ADAMTSL4: variants seen among roughly 807,000 people sequenced by gnomAD.
ADAMTSL4 encodes ADAMTS-like protein 4.
In ADAMTSL4, 97 loss-of-function variants were observed where a neutral mutation model predicts 122.8. That is an observed-to-expected ratio of 0.79 (90% CI 0.67 to 0.93). The LOEUF (loss-of-function observed/expected upper bound fraction) is 0.93. Ranked by LOEUF, ADAMTSL4 falls within the 40% of genes least tolerant of loss-of-function variation. The probability of loss-of-function intolerance (pLI) is 0.00; values close to 1 mark genes in which losing one functional copy is unlikely to be tolerated. For missense variants in ADAMTSL4, 1,408 were observed against 1,453.5 expected, an observed-to-expected ratio of 0.97 and a Z score of 0.51; for synonymous variants, 592 against 568.0, an observed-to-expected ratio of 1.04 and a Z score of -0.60.
chr1:150,552,570 G>T lies in ADAMTSL4; in HGVS notation c.48G>T (p.Leu16=). ...GRPWLYLLLL[L]SLPQLCLDQE... ...CCTGGCTGTATCTGCTGCTGCTTCT[G>T]TCCCTCCCTCAGCTCTGCTTGGATC... is the stretch of plus-strand genomic sequence containing the variant. The change falls in exon 4 of 19, where the codon CTG becomes CTT. Residue 16 remains leucine (L), a synonymous_variant. Coordinates refer to ENST00000271643, the MANE Select transcript of ADAMTSL4 (RefSeq NM_019032.6). The surrounding 1 kb of genome is among the most constrained non-coding windows in gnomAD (Gnocchi z 4.0). The T allele has an allele frequency of 1.9e-6, 3 of 1,613,958 alleles. No homozygotes were observed. Among genetic ancestry groups the T allele is most frequent in the Non-Finnish European group, 2.5e-6 (3 of 1,179,976 alleles).
In ADAMTSL4 at chr1:150,554,291, G is replaced by C; in HGVS notation, c.1132-74G>C. 6.6e-7 allele frequency: 1 copy of C among 1,513,676 alleles called. No individual in the cohort carries two copies. The highest frequency in any genetic ancestry group is 9.2e-7 in the Non-Finnish European group (1 of 1,092,418). The allele number at this position is 1,513,676 out of a possible 1,614,324, so 93.8% of individuals were successfully genotyped here. A position where few individuals can be genotyped will look rare whatever the true frequency, so the allele number is the denominator to read the frequency against. ...TTCCGCTGACCTGAGCCTCCCACCT[G>C]CTCCCCAGGTTCAGCCCTGCCCCTA... On this transcript the variant is annotated intron_variant, in intron 6 of 18. Transcript: ENST00000271643. The surrounding 1 kb of genome is among the most constrained non-coding windows in gnomAD (Gnocchi z 4.0).
In ADAMTSL4 at chr1:150,559,914, C is replaced by T; in HGVS notation, c.3088+9C>T. 2 of 1,613,734 alleles carry T rather than the reference C, an allele frequency of 1.2e-6. No homozygotes were observed. Among genetic ancestry groups the T allele is most frequent in the Non-Finnish European group, 1.7e-6 (2 of 1,179,994 alleles). The stretch of plus-strand genomic sequence containing the variant: ...CTGCAGCCAGCGCCCTGGTAAAGAG[C>T]CCCCTCTCCCCAATCCCCAATACAG... On this transcript the variant is annotated intron_variant, in intron 18 of 18. Transcript: ENST00000271643. The surrounding 1 kb of genome is among the most constrained non-coding windows in gnomAD (Gnocchi z 4.1).
Position 150,555,548 on chromosome 1 carries a change from G to T in ADAMTSL4, c.1354G>T (p.Val452Leu). Residue 452 changes from valine (V) to leucine (L), a missense_variant, in exon 8 of 19, where the codon GTG becomes TTG. By Grantham distance (32) the Val-to-Leu change is conservative. Coordinates refer to ENST00000271643, the MANE Select transcript of ADAMTSL4 (RefSeq NM_019032.6). Reference protein sequence around the residue: ...LCQPGAPDICVAGRCLSPGCD... With the variant: ...LCQPGAPDICLAGRCLSPGCD... The stretch of plus-strand genomic sequence containing the variant: ...TCAGCCTGGAGCCCCTGACATCTGT[G>T]TGGCTGGACGCTGTCTGGTGAGGGA... 6.2e-7 allele frequency: 1 copy of T among 1,614,156 alleles called. No homozygotes were observed. The highest frequency in any genetic ancestry group is 8.5e-7 in the Non-Finnish European group (1 of 1,180,036).
chr1:150,551,191 G>GA (rs1671371739), intron 2 of ADAMTSL4: 1 of 356,930 alleles, frequency 2.8e-6, no homozygotes, highest in African/African-American at 2.1e-5. Flanking sequence ...GCTGGGGCAT[G>GA]AGGCAGCCCC....
intron 13 of ADAMTSL4, 147 bp downstream of exon 13, chr1:150,557,770 C>G (rs890775526): frequency 9.8e-6 from 13 of 1,325,892 alleles, no homozygotes; most frequent in Non-Finnish European, 1.3e-5. Context: ...ATTCGGTAGG[C>G]AGCAAGAAAG....
Position 150,552,178 on chromosome 1 carries a change from G to A in ADAMTSL4, c.-84-27G>A. On this transcript the variant is annotated intron_variant, in intron 2 of 18. Coordinates refer to ENST00000271643, the MANE Select transcript of ADAMTSL4 (RefSeq NM_019032.6). This position sits in a 1 kb window ranked among gnomAD's most constrained non-coding sequence, Gnocchi z 4.0. ...CCCAAGCTCTCTGGACACTGGAGAG[G>A]TAACCACCAGGCTTCTGTCCCTGCA... 2 of 1,187,794 alleles carry A rather than the reference G, an allele frequency of 1.7e-6. No homozygotes were observed. Among genetic ancestry groups the A allele is most frequent in the Non-Finnish European group, 1.2e-6 (1 of 835,462 alleles). 73.6% of individuals were successfully genotyped at this position (1,187,794 alleles called of 1,614,324 possible). A position where few individuals can be genotyped will look rare whatever the true frequency, so the allele number is the denominator to read the frequency against.
At position 150,553,991 on chromosome 1, in the gene ADAMTSL4, C is replaced by G. The variant is rs764480382; in HGVS notation, c.1000C>G (p.His334Asp). The change falls in exon 6 of 19, where the codon CAC becomes GAC. Residue 334 changes from histidine to aspartate, a missense_variant. Physicochemically the swap from His to Asp is moderately conservative, Grantham distance 81. Transcript: ENST00000271643. ...HGPRLEPDPQ[H>D]PGAWLPLLSN... ...GCCCCGCCTGGAGCCTGACCCTCAGCACCCGGGCGCCTGGCTGCCCCTGCT... is the reference window on the plus strand; with the variant it reads ...GCCCCGCCTGGAGCCTGACCCTCAGGACCCGGGCGCCTGGCTGCCCCTGCT... 6.2e-7 allele frequency: 1 copy of G among 1,611,776 alleles called. No homozygotes were observed. Among genetic ancestry groups the G allele is most frequent in the Non-Finnish European group, 8.5e-7 (1 of 1,179,534 alleles).
chr1:150,551,157 G>T (rs2101539928), intron 2 of ADAMTSL4: 1 of 370,556 alleles, frequency 2.7e-6, no homozygotes, highest in Non-Finnish European at 5.4e-6. Context: ...GGACTTCCCG[G>T]CTCTTCAGAA....
intron 14 of ADAMTSL4, 132 bp downstream of exon 14, chr1:150,558,281 G>T: frequency 6.5e-7 from 1 of 1,529,360 alleles, no homozygotes. Context: ...CCCCAATATA[G>T]AAGTCAGATA....
Position 150,556,529 on chromosome 1 carries a change from T to C in ADAMTSL4, c.1577-92T>C. On this transcript the variant is annotated intron_variant, in intron 9 of 18. Coordinates refer to ENST00000271643, the MANE Select transcript of ADAMTSL4 (RefSeq NM_019032.6). The surrounding 1 kb of genome is among the most constrained non-coding windows in gnomAD (Gnocchi z 4.1). ...GAGGGCTTGGGGGGATCTTAGGTTCTGGTGGGAGCTTCTATAGGCTAAGGA... is the reference window on the plus strand; with the variant it reads ...GAGGGCTTGGGGGGATCTTAGGTTCCGGTGGGAGCTTCTATAGGCTAAGGA... 1 of 1,587,660 alleles carries C rather than the reference T, an allele frequency of 6.3e-7. No individual in the cohort carries two copies.
rs969592820 is a variant in ADAMTSL4 at position 150,558,837 on chromosome 1, G to A, written c.2560-125G>A. 6.2e-5 allele frequency: 96 copies of A among 1,537,804 alleles called. No homozygotes were observed. In the East Asian group the frequency reaches 1.5e-3, roughly 24 times the overall value. ...CGGCTAGGATTCCTCGTCCGGGCCT[G>A]GTACCCGGGGACATTCCCAACCACC... is the stretch of plus-strand genomic sequence containing the variant. On this transcript the variant is annotated intron_variant, in intron 15 of 18. Coordinates refer to ENST00000271643, the MANE Select transcript of ADAMTSL4 (RefSeq NM_019032.6).
chr1:150,555,689 A>C, intron 8 of ADAMTSL4, 124 bp downstream of exon 8: 1 of 1,354,948 alleles, frequency 7.4e-7, no homozygotes, highest in Non-Finnish European at 9.9e-7. Flanking sequence ...ACATACACAC[A>C]CGCATATGCG....
chr1:150,553,489 G>GC lies in ADAMTSL4; in HGVS notation c.500dup (p.Leu168ThrfsTer15). On this transcript the variant is annotated frameshift_variant, in exon 6 of 19. Transcript: ENST00000271643. LOFTEE classifies it high-confidence loss of function. Reference sequence around the variant, plus strand: ...GTTATGGGAGAGTGCCCTTTGCATTGCCACTGCACCGGAACCGCAGGCACC... The same window carrying GC: ...GTTATGGGAGAGTGCCCTTTGCATTGCCCACTGCACCGGAACCGCAGGCACC... 6.2e-7 allele frequency: 1 copy of GC among 1,613,848 alleles called. No individual in the cohort carries two copies. The highest frequency in any genetic ancestry group is 8.5e-7 in the Non-Finnish European group (1 of 1,179,968).
At position 150,556,736 on chromosome 1, in the gene ADAMTSL4, G is replaced by A. The variant is rs1672170748; in HGVS notation, c.1692G>A (p.Glu564=). Residue 564 remains glutamate, a synonymous_variant, in exon 10 of 19, where the codon GAG becomes GAA. Transcript: ENST00000271643. This position sits in a 1 kb window ranked among gnomAD's most constrained non-coding sequence, Gnocchi z 4.1. ...VFRYNRPPRE[E]GKGESLSAEG... is the part of the protein sequence containing the mutation. ...GATATAACCGTCCTCCCAGGGAGGA[G>A]GGCAAAGGGGAGAGTCTGTCGGCTG... is the stretch of plus-strand genomic sequence containing the variant. 2 of 1,613,772 alleles carry A rather than the reference G, an allele frequency of 1.2e-6. No homozygotes were observed. The highest frequency in any genetic ancestry group is 1.1e-5 in the South Asian group (1 of 91,080).
Position 150,557,594 on chromosome 1 carries a change from A to G in ADAMTSL4, c.2148A>G (p.Glu716=), listed in dbSNP as rs142559879. 19 of 1,602,292 alleles carry G rather than the reference A, an allele frequency of 1.2e-5. No homozygotes were observed. The highest frequency in any genetic ancestry group is 1.5e-5 in the Non-Finnish European group (18 of 1,175,030). Residue 716 remains glutamate, a synonymous_variant, in exon 13 of 19, where the codon GAA becomes GAG. Transcript: ENST00000271643. ...GTGCCAGGCCCCCAGCCTCCCCTGA[A>G]CCCTGCCACGGCACCCCATGCCCCC... ...AAGARPPASP[E]PCHGTPCPPY...
At position 150,553,950 on chromosome 1, in the gene ADAMTSL4, G is replaced by T; in HGVS notation, c.959G>T (p.Gly320Val). 1.9e-6 allele frequency: 3 copies of T among 1,610,462 alleles called. No individual in the cohort carries two copies. The highest frequency in any genetic ancestry group is 2.2e-5 in the East Asian group (1 of 44,804). Residue 320 changes from glycine (G) to valine (V), a missense_variant, in exon 6 of 19, where the codon GGG (glycine) becomes GTG (valine). Physicochemically the swap from Gly to Val is moderately radical, Grantham distance 109 (BLOSUM62 -3). Coordinates refer to ENST00000271643, the MANE Select transcript of ADAMTSL4 (RefSeq NM_019032.6). The part of the protein sequence containing the change: ...GQQGQGPWGT[G>V]GTPHGPRLEP... Reference sequence around the variant, plus strand: ...CAGGGCCAAGGGCCTTGGGGAACGGGGGGGACTCCTCACGGGCCCCGCCTG... The same window carrying T: ...CAGGGCCAAGGGCCTTGGGGAACGGTGGGGACTCCTCACGGGCCCCGCCTG...
chr1:150,556,328 TC>T lies in ADAMTSL4; in HGVS notation c.1540del (p.Gln514ArgfsTer71). On this transcript the variant is annotated frameshift_variant, in exon 9 of 19. Transcript: ENST00000271643. LOFTEE classifies it high-confidence loss of function. This position sits in a 1 kb window ranked among gnomAD's most constrained non-coding sequence, Gnocchi z 4.1. ...ILWIPAGALRLQIAQLRPSSN... is the reference protein window; with the variant it reads ...ILWIPAGALRXQIAQLRPSSN... ...TGGATTCCAGCGGGAGCCTTGCGGC[TC>T]CAGATTGCCCAGCTCCGGCCTAGCT... is the stretch of plus-strand genomic sequence containing the variant. 3 of 1,614,010 alleles carry T rather than the reference TC, an allele frequency of 1.9e-6. No individual in the cohort carries two copies. The highest frequency in any genetic ancestry group is 1.7e-6 in the Non-Finnish European group (2 of 1,179,988).
At chr1:150,558,350 C>T (rs1560301851) in intron 14 of ADAMTSL4, 123 bp from the exon 15 acceptor site, 4 of 1,545,448 alleles carry the variant, frequency 2.6e-6, no homozygotes, top group East Asian at 2.4e-5. Context: ...CTCCTCAGCC[C>T]ACGAAGCCAT....
Position 150,558,481 on chromosome 1 carries a change from G to A in ADAMTSL4, c.2391G>A (p.Val797=). 6.2e-7 allele frequency: 1 copy of A among 1,613,636 alleles called. No homozygotes were observed. Among genetic ancestry groups the A allele is most frequent in the Non-Finnish European group, 8.5e-7 (1 of 1,179,996 alleles). ...EVGSPWSQCS[V]RCGRGQRSRQ... The stretch of plus-strand genomic sequence containing the variant: ...TCCCCTCGCCCCCTCAGTGCTCCGT[G>A]CGGTGCGGCCGGGGCCAGAGAAGCC... Residue 797 remains valine (V), a synonymous_variant, in exon 15 of 19, where the codon GTG becomes GTA. Coordinates refer to ENST00000271643, the MANE Select transcript of ADAMTSL4 (RefSeq NM_019032.6).
Sources: gnomAD v4.1 joint callset for allele counts on GRCh38, gnomAD v4.1.1 for gene constraint, Gnocchi (gnomAD v3.1) non-coding constraint, MANE v1.5 for transcripts, NCBI Gene and HGNC (gene_info 2026-07-23, HGNC 2026-07-21) for gene names.